The following FTO variants were observed in gnomAD, a reference collection of about 807,000 sequenced individuals.
FTO encodes FTO alpha-ketoglutarate dependent dioxygenase.
Under a neutral mutation model 63.9 loss-of-function variants are expected in FTO, and 47 were observed. The observed-to-expected ratio is 0.74, with a 90% CI of 0.58 to 0.94. FTO has a LOEUF of 0.94. Ranked by LOEUF, FTO falls within the 40% of genes least tolerant of loss-of-function variation. The probability of loss-of-function intolerance (pLI) is 0.00; values close to 1 mark genes in which losing one functional copy is unlikely to be tolerated. For missense variants in FTO, 562 were observed against 618.1 expected, an observed-to-expected ratio of 0.91 and a Z score of 0.96; for synonymous variants, 207 against 224.4, an observed-to-expected ratio of 0.92 and a Z score of 0.69.
At chr16:54,042,131 G>C (rs1444085632) in intron 8 of FTO, among the ~76,000 whole-genome samples, 1 of 151,892 alleles carries the variant, frequency 6.6e-6, no homozygotes, top group Non-Finnish European at 1.5e-5. Context: ...GAACAGCTCC[G>C]GTCTACAGCT....
At chr16:54,053,734 T>C (rs781324457) in intron 8 of FTO, among the ~76,000 whole-genome samples, 1 of 152,222 alleles carries the variant, frequency 6.6e-6, no homozygotes, top group Admixed American at 6.5e-5. Flanking sequence ...GTGTTCACTG[T>C]GGGTTTCCTT....
chr16:53,749,729 G>T (rs2076738658), intron 1 of FTO, among the ~76,000 whole-genome samples: 1 of 152,166 alleles, frequency 6.6e-6, no homozygotes, highest in East Asian at 1.9e-4. Flanking sequence ...GTGAGCCACT[G>T]CGCCCGGCCA....
intron 2 of FTO, among the ~76,000 whole-genome samples, chr16:53,812,177 G>A (rs897189909): frequency 1.3e-5 from 2 of 152,038 alleles, no homozygotes; most frequent in Admixed American, 6.6e-5. Flanking sequence ...GTCATCTCCT[G>A]TAGGAAGCTT....
intron 7 of FTO, among the ~76,000 whole-genome samples, chr16:53,923,908 G>T (rs1434340967): frequency 6.6e-6 from 1 of 151,946 alleles, no homozygotes; most frequent in Non-Finnish European, 1.5e-5. Flanking sequence ...GGCTGCTGTG[G>T]CTCCATGGCT....
intron 1 of FTO, among the ~76,000 whole-genome samples, chr16:53,794,680 T>A (rs1372057346): frequency 1.3e-5 from 2 of 152,150 alleles, no homozygotes; most frequent in African/African-American, 2.4e-5. Context: ...GAATAGCAAC[T>A]GAATCAGGCT....
intron 3 of FTO, among the ~76,000 whole-genome samples, chr16:53,842,626 A>G (rs1250629910): frequency 1.3e-5 from 2 of 152,100 alleles, no homozygotes; most frequent in Admixed American, 6.6e-5. Flanking sequence ...TTCCAGAAAA[A>G]TCAGTCTTGA....
intron 4 of FTO, among the ~76,000 whole-genome samples, chr16:53,859,721 C>G (rs2080115860): frequency 6.6e-6 from 1 of 151,986 alleles, no homozygotes; most frequent in Non-Finnish European, 1.5e-5. Context: ...AAATCTAAAT[C>G]AAAACCACAA....
At chr16:54,099,968 C>A (rs2086600872) in intron 8 of FTO, among the ~76,000 whole-genome samples, 1 of 152,172 alleles carries the variant, frequency 6.6e-6, no homozygotes, top group Non-Finnish European at 1.5e-5. Context: ...CCACCGCAAC[C>A]CACCTTTAGC....
intron 3 of FTO, among the ~76,000 whole-genome samples, chr16:53,836,387 T>G (rs2079294172): frequency 6.6e-6 from 1 of 152,206 alleles, no homozygotes; most frequent in African/African-American, 2.4e-5. Context: ...ATAAATAGTT[T>G]TATGTGTGTT....
intron 8 of FTO, among the ~76,000 whole-genome samples, chr16:54,094,763 C>T (rs1220637994): frequency 6.6e-6 from 1 of 152,266 alleles, no homozygotes; most frequent in South Asian, 2.1e-4. Flanking sequence ...ACCGAAGAGG[C>T]GTAAGATATT....
intron 8 of FTO, among the ~76,000 whole-genome samples, chr16:53,942,140 C>T (rs1391592329): frequency 1.3e-5 from 2 of 151,706 alleles, no homozygotes; most frequent in African/African-American, 4.9e-5. Context: ...TCTTGAAATT[C>T]GAAGTCAGGA....
intron 1 of FTO, among the ~76,000 whole-genome samples, chr16:53,735,974 G>A (rs2076382587): frequency 6.6e-6 from 1 of 152,026 alleles, no homozygotes. Flanking sequence ...CTATAAAATG[G>A]AGATAATATA....
chr16:53,918,405 T>C (rs976031351), intron 7 of FTO, among the ~76,000 whole-genome samples: 2 of 152,120 alleles, frequency 1.3e-5, no homozygotes, highest in Non-Finnish European at 2.9e-5. Flanking sequence ...TCTAGAGATA[T>C]CGAAACATAG....
At chr16:54,091,080 A>G (rs2086372857) in intron 8 of FTO, among the ~76,000 whole-genome samples, 1 of 152,170 alleles carries the variant, frequency 6.6e-6, no homozygotes. Context: ...AGTCACAGAA[A>G]GGGCCAGTCC....
At chr16:54,106,219 G>A (rs1341131729) in intron 8 of FTO, among the ~76,000 whole-genome samples, 13 of 152,044 alleles carry the variant, frequency 8.6e-5, no homozygotes, top group African/African-American at 2.7e-4. Context: ...AGCCCTGGGG[G>A]AAATCAGCGG....
chr16:53,966,902 A>G (rs2083208205), intron 8 of FTO, among the ~76,000 whole-genome samples: 1 of 152,196 alleles, frequency 6.6e-6, no homozygotes, highest in Admixed American at 6.5e-5. Flanking sequence ...TTGCAATGGT[A>G]GAATGTTGCA....
Position 54,051,623 on chromosome 16 carries a change from A to G in FTO, c.1365-60139A>G, listed in dbSNP as rs145485499. 2.5e-3 allele frequency among the ~76,000 whole-genome samples: 379 copies of G among 152,366 alleles called. 5 individuals carry two copies. Among genetic ancestry groups the G allele is most frequent in the Non-Finnish European group, 3.1e-3 (214 of 68,026 alleles). ...CTGAGGACCCATTTCTGAGATGGAA[A>G]GTTCTTGGCCCTGGCCTGTAGCTTA... On this transcript the variant is annotated intron_variant, in intron 8 of 8. Transcript: ENST00000471389.
At chr16:53,909,487 C>T (rs916412254) in intron 7 of FTO, among the ~76,000 whole-genome samples, 1 of 145,086 alleles carries the variant, frequency 6.9e-6, no homozygotes, top group East Asian at 2.0e-4. Context: ...TAGATTTTAA[C>T]AGGCAGAGAT....
intron 1 of FTO, among the ~76,000 whole-genome samples, chr16:53,809,371 A>T (rs2078459518): frequency 6.6e-6 from 1 of 152,204 alleles, no homozygotes; most frequent in Non-Finnish European, 1.5e-5. Flanking sequence ...ACTCTTCCAC[A>T]TATGCTGACA....
Sources: allele counts gnomAD v4.1 joint callset (sites outside exome capture counted in the v4.1 genomes callset), GRCh38; gene constraint gnomAD v4.1.1; transcripts MANE v1.5; gene names NCBI Gene and HGNC (gene_info 2026-07-23, HGNC 2026-07-21).